The following RBFOX1 variants were observed in gnomAD, a reference collection of about 807,000 sequenced individuals.
RBFOX1 encodes RNA binding protein fox-1 homolog 1.
RBFOX1 carries 8 observed loss-of-function variants against 57.7 expected under a neutral mutation model. The observed-to-expected ratio is 0.14, with a 90% confidence interval of 0.08 to 0.25. The LOEUF is 0.25. Ranked by LOEUF, RBFOX1 falls within the 10% of genes least tolerant of loss-of-function variation. RBFOX1 has a pLI of 1.00. For missense variants in RBFOX1, 611 were observed against 548.5 expected, an observed-to-expected ratio of 1.11 and a Z score of -1.14; for synonymous variants, 326 against 222.4, an observed-to-expected ratio of 1.47 and a Z score of -4.15.
chr16:5,358,179 A>G (rs145013218), intron 1 of RBFOX1, among the ~76,000 whole-genome samples: 1 of 152,154 alleles, frequency 6.6e-6, no homozygotes, highest in African/African-American at 2.4e-5. Flanking sequence ...TCCTTGGGTT[A>G]TAGATGCATC....
intron 4 of RBFOX1, among the ~76,000 whole-genome samples, chr16:7,412,325 G>A (rs754503164): frequency 6.7e-6 from 1 of 149,780 alleles, no homozygotes; most frequent in African/African-American, 2.5e-5. Context: ...TGAGGCAGGA[G>A]AATCACTTGA....
chr16:7,510,106 G>A (rs1265144555), intron 4 of RBFOX1: 1 of 983,266 alleles, frequency 1.0e-6, no homozygotes, highest in Non-Finnish European at 1.2e-6. Context: ...CATCTGGGTT[G>A]GTTTTGGGAG....
At chr16:6,410,606 C>T (rs1378375944) in intron 2 of RBFOX1, among the ~76,000 whole-genome samples, 3 of 152,004 alleles carry the variant, frequency 2.0e-5, no homozygotes, top group Non-Finnish European at 2.9e-5. Context: ...CCACCGCGCA[C>T]CTTCTATTTG....
At chr16:6,448,098 GT>G (rs547369257) in intron 2 of RBFOX1, among the ~76,000 whole-genome samples, 1 of 136,788 alleles carries the variant, frequency 7.3e-6, no homozygotes, top group Non-Finnish European at 1.6e-5. Context: ...TGTTCGTTTG[GT>G]TTTTTTATAA....
At chr16:5,544,030 G>C in intron 2 of RBFOX1, among the ~76,000 whole-genome samples, 1 of 152,218 alleles carries the variant, frequency 6.6e-6, no homozygotes, top group East Asian at 1.9e-4. Flanking sequence ...GATAGAAAGT[G>C]TGCAAATGAC....
chr16:5,464,879 G>A (rs1207927136), intron 1 of RBFOX1, among the ~76,000 whole-genome samples: 2 of 152,206 alleles, frequency 1.3e-5, no homozygotes, highest in African/African-American at 4.8e-5. Context: ...AGGAGCCCAG[G>A]AGGAAGGTCT....
chr16:7,524,988 C>G (rs1296726704), intron 5 of RBFOX1, among the ~76,000 whole-genome samples: 4 of 152,146 alleles, frequency 2.6e-5, no homozygotes, highest in African/African-American at 9.7e-5. Flanking sequence ...AAAATGAAAA[C>G]TAACATGTCC....
intron 4 of RBFOX1, among the ~76,000 whole-genome samples, chr16:5,902,651 AGTG>A (rs1339878393): frequency 6.6e-6 from 1 of 152,080 alleles, no homozygotes; most frequent in Non-Finnish European, 1.5e-5. Context: ...CCTGGCCTCA[AGTG>A]ATCTGCATAC....
rs984501976 is a variant in RBFOX1, at chr16:6,833,239, C to T, written c.-16+178589C>T. 5.3e-5 allele frequency among the ~76,000 whole-genome samples: 8 copies of T among 152,032 alleles called. No individual in the cohort carries two copies. In the East Asian group the frequency reaches 1.2e-3, roughly 22 times the overall value. ...GGAGTGCAGTGGTAAAATCTCGGCT[C>T]ATTACAACCTCCGCCTCCCAGATTG... On this transcript the variant is annotated intron_variant, in intron 3 of 15. Transcript: ENST00000550418.
intron 1 of RBFOX1, among the ~76,000 whole-genome samples, chr16:6,148,810 C>G (rs1318126049): frequency 1.3e-5 from 2 of 152,124 alleles, no homozygotes; most frequent in Non-Finnish European, 2.9e-5. Flanking sequence ...GATGTTTTCC[C>G]TAGAGATTTG....
chr16:7,545,509 C>T (rs926906537), intron 5 of RBFOX1, among the ~76,000 whole-genome samples: 7 of 152,140 alleles, frequency 4.6e-5, no homozygotes, highest in Admixed American at 1.3e-4. Context: ...CTTCACAAGC[C>T]GCTAGCTGTG....
At chr16:7,375,506 GT>G (rs78927148) in intron 4 of RBFOX1, among the ~76,000 whole-genome samples, 328 of 141,020 alleles carry the variant, frequency 2.3e-3, no homozygotes, top group African/African-American at 3.4e-3. Flanking sequence ...TTGTTTTTTT[GT>G]TTTTTTTTTT....
chr16:7,274,776 C>T (rs560004119), intron 4 of RBFOX1, among the ~76,000 whole-genome samples: 7 of 152,168 alleles, frequency 4.6e-5, no homozygotes, highest in African/African-American at 1.7e-4. Context: ...TCTCTGCCTT[C>T]CAGGTTCCAG....
intron 2 of RBFOX1, among the ~76,000 whole-genome samples, chr16:6,644,980 A>G (rs1048624267): frequency 6.6e-6 from 1 of 152,196 alleles, no homozygotes; most frequent in African/African-American, 2.4e-5. Context: ...AACAACTGAA[A>G]TATATTCTCT....
chr16:5,569,648 G>C (rs2151128927), intron 2 of RBFOX1, among the ~76,000 whole-genome samples: 1 of 151,884 alleles, frequency 6.6e-6, no homozygotes, highest in South Asian at 2.1e-4. Context: ...TTAGATGGTG[G>C]AACCAGGAGT....
chr16:5,770,053 TA>T, intron 3 of RBFOX1, among the ~76,000 whole-genome samples: 1 of 152,212 alleles, frequency 6.6e-6, no homozygotes, highest in Non-Finnish European at 1.5e-5. Flanking sequence ...ACTGTGGAGG[TA>T]AGAATGAATG....
At chr16:5,643,976 G>T (rs2048965799) in intron 3 of RBFOX1, among the ~76,000 whole-genome samples, 1 of 152,108 alleles carries the variant, frequency 6.6e-6, no homozygotes, top group African/African-American at 2.4e-5. Context: ...CTTTTCAAAA[G>T]GGCCCGCTGT....
At chr16:5,827,747 C>G (rs1469626964) in intron 3 of RBFOX1, among the ~76,000 whole-genome samples, 1 of 152,156 alleles carries the variant, frequency 6.6e-6, no homozygotes, top group Non-Finnish European at 1.5e-5. Flanking sequence ...GGCCATCTTC[C>G]TCTGGATGCA....
intron 5 of RBFOX1, among the ~76,000 whole-genome samples, chr16:7,519,346 C>G (rs1220272805): frequency 6.6e-6 from 1 of 152,080 alleles, no homozygotes; most frequent in African/African-American, 2.4e-5. Context: ...TAGAAAGAGG[C>G]AGGGTGAGAG....
Sources: allele counts gnomAD v4.1 joint callset (sites outside exome capture counted in the v4.1 genomes callset), GRCh38; gene constraint gnomAD v4.1.1; transcripts MANE v1.5; gene names NCBI Gene and HGNC (gene_info 2026-07-23, HGNC 2026-07-21).